Variants in ARL15 observed in about 807,000 individuals in gnomAD.
ARL15 encodes the protein ARF like GTPase 15, also known as ADP-ribosylation factor-like protein 15.
A neutral mutation model predicts 25.2 loss-of-function variants in ARL15; 19 were observed. That is an observed-to-expected ratio of 0.75 (90% CI 0.53 to 1.10). The LOEUF (loss-of-function observed/expected upper bound fraction) is 1.10. Ranked by LOEUF, ARL15 falls within the 50% of genes least tolerant of loss-of-function variation. ARL15 has a pLI of 0.00. For missense variants in ARL15, 220 were observed against 246.0 expected, an observed-to-expected ratio of 0.89 and a Z score of 0.71; for synonymous variants, 94 against 86.8, an observed-to-expected ratio of 1.08 and a Z score of -0.46.
intron 4 of ARL15, among the ~76,000 whole-genome samples, chr5:53,951,847 A>ATTTTTT (rs59369848): frequency 8.1e-5 from 8 of 98,240 alleles, no homozygotes; most frequent in South Asian, 3.6e-4. Flanking sequence ...ACATAAAAGA[A>ATTTTTT]TTTTTTTTTT....
chr5:54,019,663 C>T (rs554616437), intron 4 of ARL15, among the ~76,000 whole-genome samples: 1 of 152,236 alleles, frequency 6.6e-6, no homozygotes, highest in East Asian at 1.9e-4. Flanking sequence ...AAACTACATC[C>T]TAAATTTGAA....
chr5:53,898,980 T>C (rs1744967662), intron 4 of ARL15, among the ~76,000 whole-genome samples: 1 of 152,132 alleles, frequency 6.6e-6, no homozygotes, highest in Non-Finnish European at 1.5e-5. Context: ...AGGTTGGTAG[T>C]TGTGTCTCTT....
chr5:53,886,391 A>T lies in ARL15; in HGVS notation c.*170T>A. 1.5e-6 allele frequency: 1 copy of T among 684,102 alleles called. No homozygotes were observed. Among genetic ancestry groups the T allele is most frequent in the Non-Finnish European group, 2.4e-6 (1 of 424,580 alleles). 42.4% of individuals were successfully genotyped at this position (684,102 alleles called of 1,614,324 possible). ...GTACTTGACGTTAATGCCGATGATA[A>T]TTCATCTGATCTACAGAATATTCAC... is the stretch of plus-strand genomic sequence containing the variant. On this transcript the variant is annotated 3_prime_UTR_variant, in exon 5 of 5. Transcript: ENST00000504924.
chr5:54,215,973 T>A (rs900755918), intron 1 of ARL15, among the ~76,000 whole-genome samples: 2 of 152,220 alleles, frequency 1.3e-5, no homozygotes, highest in African/African-American at 4.8e-5. Flanking sequence ...AAGGGCCTCC[T>A]ATTGAACTCC....
At chr5:54,155,680 TCACACA>T (rs58416810) in intron 2 of ARL15, among the ~76,000 whole-genome samples, 2 of 149,940 alleles carry the variant, frequency 1.3e-5, no homozygotes, top group Non-Finnish European at 3.0e-5. Context: ...ATATACCCAT[TCACACA>T]CACACACACA....
intron 4 of ARL15, among the ~76,000 whole-genome samples, chr5:54,093,595 C>T (rs1363544697): frequency 6.6e-6 from 1 of 151,464 alleles, no homozygotes. Context: ...GCTTCCTGCA[C>T]ATAGTCTACC....
intron 3 of ARL15, among the ~76,000 whole-genome samples, chr5:54,147,300 T>C (rs1753940290): frequency 6.6e-6 from 1 of 152,046 alleles, no homozygotes. Context: ...AAAAAGAGAA[T>C]TAGTGGAAAT....
At chr5:54,141,814 AGGAGAACAC>A (rs1753790849) in intron 3 of ARL15, among the ~76,000 whole-genome samples, 2 of 152,210 alleles carry the variant, frequency 1.3e-5, no homozygotes, top group South Asian at 4.1e-4. Flanking sequence ...TTATCTCAGT[AGGAGAACAC>A]TATTTTATTT....
intron 3 of ARL15, among the ~76,000 whole-genome samples, chr5:54,130,601 C>T (rs1712986222): frequency 2.0e-5 from 3 of 152,152 alleles, no homozygotes; most frequent in South Asian, 2.1e-4. Flanking sequence ...CATAGGCTAT[C>T]GTGAGAAAAC....
At chr5:54,194,481 A>G (rs1466617212) in intron 1 of ARL15, among the ~76,000 whole-genome samples, 1 of 152,116 alleles carries the variant, frequency 6.6e-6, no homozygotes, top group African/African-American at 2.4e-5. Flanking sequence ...TTTTGAATCA[A>G]GCTAGAGAAA....
chr5:54,219,882 G>T lies in ARL15; in HGVS notation c.49-47954C>A, dbSNP rs114549035. Among the ~76,000 whole-genome samples, 883 of 152,190 alleles carry T rather than the reference G, an allele frequency of 5.8e-3. 10 individuals are homozygous for T. The highest frequency in any genetic ancestry group is 9.2e-3 in the Admixed American group (140 of 15,286). On this transcript the variant is annotated intron_variant, in intron 1 of 4. Transcript: ENST00000504924. The stretch of plus-strand genomic sequence containing the variant: ...CAAAATCTAGAACTAAAATGAAAAG[G>T]ACAAAATGTGTCCTTCCATATTTAA...
chr5:53,983,528 A>C (rs1463483127), intron 4 of ARL15, among the ~76,000 whole-genome samples: 2 of 152,174 alleles, frequency 1.3e-5, no homozygotes, highest in African/African-American at 4.8e-5. Flanking sequence ...AATGCCAGAG[A>C]AGGTGCACTC....
intron 1 of ARL15, among the ~76,000 whole-genome samples, chr5:54,259,496 T>G (rs1021147376): frequency 2.6e-5 from 4 of 152,186 alleles, no homozygotes; most frequent in African/African-American, 4.8e-5. Context: ...ATACTGAAAC[T>G]AGTTGAAATT....
At chr5:54,059,017 A>G (rs1270111738) in intron 4 of ARL15, among the ~76,000 whole-genome samples, 3 of 152,204 alleles carry the variant, frequency 2.0e-5, no homozygotes, top group Non-Finnish European at 4.4e-5. Flanking sequence ...CATTTGTCAC[A>G]ACATGTTCCC....
rs1758871124 is a variant in ARL15 at position 54,310,531 on chromosome 5, C to G, written c.-52G>C. The G allele has an allele frequency of 6.4e-7, 1 of 1,557,494 alleles. No individual in the cohort carries two copies. The highest frequency in any genetic ancestry group is 1.2e-5 in the South Asian group (1 of 84,750). On this transcript the variant is annotated 5_prime_UTR_variant, in exon 1 of 5. Transcript: ENST00000504924. ...CTCCGAACCCGGAAAAAAAAAGCAG[C>G]GTCTCTGGCTGCGAGCGAGCAGCTC...
chr5:54,054,013 T>C (rs1449138210), intron 4 of ARL15, among the ~76,000 whole-genome samples: 2 of 152,230 alleles, frequency 1.3e-5, no homozygotes, highest in Non-Finnish European at 2.9e-5. Flanking sequence ...TGTACTATCT[T>C]TGTAATAATT....
At chr5:54,141,947 A>G (rs1434246396) in intron 3 of ARL15, among the ~76,000 whole-genome samples, 1 of 152,174 alleles carries the variant, frequency 6.6e-6, no homozygotes, top group Non-Finnish European at 1.5e-5. Context: ...CAGATGTACT[A>G]CAGTTTGTTT....
At chr5:54,011,520 T>C (rs1749243388) in intron 4 of ARL15, among the ~76,000 whole-genome samples, 1 of 152,172 alleles carries the variant, frequency 6.6e-6, no homozygotes, top group Non-Finnish European at 1.5e-5. Context: ...AGAAACTTGA[T>C]AGTGATTATA....
At chr5:54,129,390 A>T (rs951047626) in intron 3 of ARL15, among the ~76,000 whole-genome samples, 1 of 152,244 alleles carries the variant, frequency 6.6e-6, no homozygotes, top group African/African-American at 2.4e-5. Flanking sequence ...AGCATATTAG[A>T]AGTAGTAAAT....
Sources: gnomAD v4.1 joint callset for allele counts (sites outside exome capture counted in the v4.1 genomes callset) on GRCh38, gnomAD v4.1.1 for gene constraint, MANE v1.5 for transcripts, NCBI Gene and HGNC (gene_info 2026-07-23, HGNC 2026-07-21) for gene names.